Variants in CRY1 observed in about 807,000 individuals in gnomAD.
CRY1 encodes cryptochrome circadian regulator 1, also known as cryptochrome-1.
A neutral mutation model predicts 76.0 loss-of-function variants in CRY1; 45 were observed. That is an observed-to-expected ratio of 0.59 (90% CI 0.47 to 0.76). The LOEUF (loss-of-function observed/expected upper bound fraction) is 0.76. CRY1 is among the 30% of genes least tolerant of loss of function. The pLI is 0.00. For synonymous variants in CRY1, 248 were observed against 244.0 expected, an observed-to-expected ratio of 1.02 and a Z score of -0.15; for missense variants, 587 against 716.4, an observed-to-expected ratio of 0.82 and a Z score of 2.06.
chr12:107,006,795 G>A (rs1952381618), intron 2 of CRY1, among the ~76,000 whole-genome samples: 1 of 151,964 alleles, frequency 6.6e-6, no homozygotes, highest in Admixed American at 6.6e-5. Flanking sequence ...GGGATTAAAG[G>A]CACATACCAC....
At chr12:107,020,978 T>C (rs1952550301) in intron 2 of CRY1, among the ~76,000 whole-genome samples, 1 of 152,208 alleles carries the variant, frequency 6.6e-6, no homozygotes, top group African/African-American at 2.4e-5. Context: ...AAGATCCTAC[T>C]AAGTTTTTTA....
At chr12:107,008,336 G>A (rs576413907) in intron 2 of CRY1, among the ~76,000 whole-genome samples, 12 of 152,260 alleles carry the variant, frequency 7.9e-5, no homozygotes, top group Non-Finnish European at 1.8e-4. Context: ...AATACACTAA[G>A]TATTTATTAT....
chr12:107,082,360 ACAGAACTCTCTACC>A (rs915880581), intron 1 of CRY1, among the ~76,000 whole-genome samples: 3 of 152,206 alleles, frequency 2.0e-5, no homozygotes. Context: ...GTAGACATCT[ACAGAACTCTCTACC>A]CCAAATCAAC....
At chr12:107,025,417 C>T (rs1227570448) in intron 1 of CRY1, among the ~76,000 whole-genome samples, 1 of 152,144 alleles carries the variant, frequency 6.6e-6, no homozygotes, top group Non-Finnish European at 1.5e-5. Flanking sequence ...AAATTACTAT[C>T]CTTAAATCAA....
intron 1 of CRY1, among the ~76,000 whole-genome samples, chr12:107,063,519 TA>T (rs1207599305): frequency 6.6e-6 from 1 of 152,214 alleles, no homozygotes; most frequent in Non-Finnish European, 1.5e-5. Flanking sequence ...TGCAACAGGC[TA>T]GGGGGCAAAT....
Position 106,999,807 on chromosome 12 carries a change from T to A in CRY1, c.881A>T (p.Glu294Val). 6.2e-7 allele frequency: 1 copy of A among 1,614,234 alleles called. No individual in the cohort carries two copies. Among genetic ancestry groups the A allele is most frequent in the Non-Finnish European group, 8.5e-7 (1 of 1,180,024 alleles). Residue 294 changes from glutamate to valine, a missense_variant, in exon 7 of 13, where the codon GAA becomes GTA. Coordinates refer to ENST00000008527, the MANE Select transcript of CRY1 (RefSeq NM_004075.5). Reference sequence around the variant, plus strand: ...ATTTGTTGCTGCTGTATAGAAAAATTCACGCCATAACAGTTGCCCATAAAG... The same window carrying A: ...ATTTGTTGCTGCTGTATAGAAAAATACACGCCATAACAGTTGCCCATAAAG... The part of the protein sequence containing the change: ...LSLYGQLLWR[E>V]FFYTAATNNP...
chr12:107,019,763 A>T (rs1240422798), intron 2 of CRY1, among the ~76,000 whole-genome samples: 1 of 151,110 alleles, frequency 6.6e-6, no homozygotes, highest in Non-Finnish European at 1.5e-5. Context: ...CTACCAAACA[A>T]AAAAAAAATT....
intron 3 of CRY1, among the ~76,000 whole-genome samples, chr12:107,004,597 T>C (rs1170594949): frequency 1.3e-5 from 2 of 152,188 alleles, no homozygotes; most frequent in Non-Finnish European, 2.9e-5. Context: ...GGAAATATTC[T>C]ATTATGCCAT....
At chr12:107,005,336 C>G in intron 2 of CRY1, 88 bp from the exon 3 acceptor site, 1 of 1,360,370 alleles carries the variant, frequency 7.4e-7, no homozygotes, top group Non-Finnish European at 9.9e-7. Context: ...TGAAAATCTA[C>G]ATATCAAAGG....
Position 107,001,818 on chromosome 12 carries a change from G to A in CRY1, c.541C>T (p.Pro181Ser). Residue 181 changes from proline (P) to serine (S), a missense_variant, in exon 4 of 13, where the codon CCT becomes TCT. By Grantham distance (74) the Pro-to-Ser change is moderately conservative. Transcript: ENST00000008527. ...TTCTCATCATGGTCATCAGACAGAG[G>A]AGTTGTGCACTTTTCTATCACTTCT... is the stretch of plus-strand genomic sequence containing the variant. Reference protein sequence around the residue: ...TSEVIEKCTTPLSDDHDEKYG... With the variant: ...TSEVIEKCTTSLSDDHDEKYG... The A allele has an allele frequency of 6.3e-7, 1 of 1,589,018 alleles. No homozygotes were observed. Among genetic ancestry groups the A allele is most frequent in the Non-Finnish European group, 8.5e-7 (1 of 1,174,028 alleles).
In CRY1 at chr12:106,998,017, C is replaced by T; in HGVS notation, c.1187G>A (p.Ser396Asn). ...GGAACTACAAGACAGCCACATCCAA[C>T]TTCCAGCATTTATGCTCCAATCTGC... ...LDADWSINAG[S>N]WMWLSCSSFF... Residue 396 changes from serine to asparagine, a missense_variant, in exon 8 of 13, where the codon AGT becomes AAT. Coordinates refer to ENST00000008527, the MANE Select transcript of CRY1 (RefSeq NM_004075.5). The T allele has an allele frequency of 2.5e-6, 4 of 1,614,156 alleles. No individual in the cohort carries two copies. The highest frequency in any genetic ancestry group is 3.4e-6 in the Non-Finnish European group (4 of 1,180,002).
At chr12:107,031,926 T>TTTTTC (rs1005672317) in intron 1 of CRY1, among the ~76,000 whole-genome samples, 2 of 152,160 alleles carry the variant, frequency 1.3e-5, no homozygotes, top group Non-Finnish European at 2.9e-5. Flanking sequence ...CTATGGTTTC[T>TTTTTC]TTTTCTTTTC....
chr12:107,005,736 T>C (rs1443136897), intron 2 of CRY1, among the ~76,000 whole-genome samples: 1 of 152,186 alleles, frequency 6.6e-6, no homozygotes, highest in Non-Finnish European at 1.5e-5. Flanking sequence ...TGATATGGTA[T>C]AAGCTGCCTG....
chr12:107,050,515 T>G (rs570098786), intron 1 of CRY1, among the ~76,000 whole-genome samples: 1 of 152,252 alleles, frequency 6.6e-6, no homozygotes, highest in African/African-American at 2.4e-5. Context: ...TCTCTCTTGC[T>G]CCCTCTCTTG....
intron 1 of CRY1, among the ~76,000 whole-genome samples, chr12:107,061,286 C>T (rs575775618): frequency 6.6e-6 from 1 of 152,074 alleles, no homozygotes; most frequent in South Asian, 2.1e-4. Flanking sequence ...CTACTATAAG[C>T]ACTCAGAAGT....
chr12:107,049,462 C>A (rs1466421612), intron 1 of CRY1, among the ~76,000 whole-genome samples: 1 of 152,120 alleles, frequency 6.6e-6, no homozygotes, highest in Non-Finnish European at 1.5e-5. Context: ...GCAGCCTCCG[C>A]CTCCTGGGGT....
At chr12:107,071,230 A>C (rs994496129) in intron 1 of CRY1, among the ~76,000 whole-genome samples, 2 of 152,156 alleles carry the variant, frequency 1.3e-5, no homozygotes, top group Non-Finnish European at 2.9e-5. Context: ...CCCATTAAGC[A>C]TGATGCTGAC....
chr12:107,018,891 A>C (rs993664253), intron 2 of CRY1, among the ~76,000 whole-genome samples: 1 of 152,168 alleles, frequency 6.6e-6, no homozygotes, highest in Non-Finnish European at 1.5e-5. Context: ...ACTCCTTATA[A>C]ACAGAATAAA....
intron 1 of CRY1, among the ~76,000 whole-genome samples, chr12:107,041,031 G>A (rs1292086616): frequency 6.6e-6 from 1 of 152,066 alleles, no homozygotes; most frequent in Non-Finnish European, 1.5e-5. Flanking sequence ...TTACAGGCAT[G>A]AGCCACTGCA....
Sources: allele counts gnomAD v4.1 joint callset (sites outside exome capture counted in the v4.1 genomes callset), GRCh38; gene constraint gnomAD v4.1.1; transcripts MANE v1.5; gene names NCBI Gene and HGNC (gene_info 2026-07-23, HGNC 2026-07-21).